KCNG2: variants seen among roughly 807,000 people sequenced by gnomAD.
KCNG2 encodes voltage-gated potassium channel regulatory subunit KCNG2.
Under a neutral mutation model 12.3 loss-of-function variants are expected in KCNG2, and 7 were observed. The ratio of observed to expected loss-of-function variants is 0.57; its 90% CI spans 0.32 to 1.07. KCNG2 has a LOEUF of 1.07. Among genes scored for constraint, KCNG2 ranks in the 50% least tolerant of loss-of-function variants. The pLI, the probability that KCNG2 is intolerant of heterozygous loss-of-function variation, is 0.04. For synonymous variants in KCNG2, 414 were observed against 351.4 expected (o/e 1.18, Z -1.99); for missense variants, 703 against 726.0 (o/e 0.97, Z 0.36).
intron 3 of KCNG2, among the ~76,000 whole-genome samples, chr18:79,890,380 TTG>T (rs1362244718): frequency 6.6e-6 from 1 of 152,194 alleles, no homozygotes; most frequent in Non-Finnish European, 1.5e-5. Flanking sequence ...CCCGGACATA[TTG>T]TGTGATGCTG....
intron 3 of KCNG2, among the ~76,000 whole-genome samples, chr18:79,881,641 G>A (rs974759361): frequency 6.6e-6 from 1 of 152,326 alleles, no homozygotes; most frequent in Non-Finnish European, 1.5e-5. Context: ...CAGTGCTCAC[G>A]CGCTGAAGAC....
At chr18:79,880,922 C>CT (rs1461593456) in intron 3 of KCNG2, among the ~76,000 whole-genome samples, 3 of 152,218 alleles carry the variant, frequency 2.0e-5, no homozygotes, top group Non-Finnish European at 4.4e-5. Flanking sequence ...TAAAACAGCA[C>CT]TTTCAGCAAT....
At chr18:79,817,474 TTGTCACACACG>T (rs2087538697) in intron 1 of KCNG2, among the ~76,000 whole-genome samples, 1 of 151,636 alleles carries the variant, frequency 6.6e-6, no homozygotes, top group South Asian at 2.1e-4. Flanking sequence ...ACACCCATGG[TTGTCACACACG>T]TGTCACACAC....
At chr18:79,888,968 C>A (rs1365777125) in intron 3 of KCNG2, among the ~76,000 whole-genome samples, 1 of 152,162 alleles carries the variant, frequency 6.6e-6, no homozygotes, top group Non-Finnish European at 1.5e-5. Flanking sequence ...CATGAGCCAC[C>A]ACGCTGGCCC....
intron 3 of KCNG2, among the ~76,000 whole-genome samples, chr18:79,868,449 G>T (rs1599411824): frequency 6.6e-6 from 1 of 152,238 alleles, no homozygotes; most frequent in African/African-American, 2.4e-5. Flanking sequence ...GGTGACCCGT[G>T]TCCGAGCGTT....
chr18:79,812,413 T>C (rs1268632500), intron 1 of KCNG2, among the ~76,000 whole-genome samples: 2 of 152,194 alleles, frequency 1.3e-5, no homozygotes, highest in African/African-American at 4.8e-5. Flanking sequence ...CCTGGTGATT[T>C]TACTGGAAAA....
chr18:79,884,110 C>T lies in KCNG2; in HGVS notation c.625-14930C>T, dbSNP rs773658692. Among the ~76,000 whole-genome samples, 5 of 152,150 alleles carry T rather than the reference C, an allele frequency of 3.3e-5. No homozygotes were observed. Among genetic ancestry groups the T allele is most frequent in the African/African-American group, 7.2e-5 (3 of 41,432 alleles). On this transcript the variant is annotated intron_variant, in intron 3 of 3. Transcript: ENST00000316249. The surrounding 1 kb of genome is among the most constrained non-coding windows in gnomAD (Gnocchi z 5.5). ...GGGCCCTCTTCTCCCACCAGCCTCC[C>T]GCCTGCAATTTCCGTGGCACAGGCC...
In KCNG2 at chr18:79,829,326, CTG is replaced by C. The variant is rs568194608; in HGVS notation, c.-114-27045_-114-27044del. On this transcript the variant is annotated intron_variant, in intron 1 of 3. Transcript: ENST00000316249. The stretch of plus-strand genomic sequence containing the variant: ...TGTGTGTGTCTGTGTGTACATGTGT[CTG>C]TGTGTGTCTTGTGTGTCTGTGTGTG... Among the ~76,000 whole-genome samples, 84 of 151,856 alleles carry C rather than the reference CTG, an allele frequency of 5.5e-4. No individual in the cohort carries two copies. In the East Asian group the frequency reaches 0.014, roughly 24 times the overall value.
intron 1 of KCNG2, among the ~76,000 whole-genome samples, chr18:79,833,241 TC>T (rs1477034550): frequency 6.6e-6 from 1 of 152,020 alleles, no homozygotes; most frequent in Non-Finnish European, 1.5e-5. Context: ...GATCAAGCAA[TC>T]CCCCCATCTC....
At chr18:79,821,221 T>C (rs959676940) in intron 1 of KCNG2, among the ~76,000 whole-genome samples, 11 of 152,026 alleles carry the variant, frequency 7.2e-5, no homozygotes, top group African/African-American at 2.7e-4. Context: ...TTTGACCACA[T>C]GTTTTATTCT....
intron 1 of KCNG2, among the ~76,000 whole-genome samples, chr18:79,798,387 C>T (rs1441251214): frequency 6.6e-6 from 1 of 152,086 alleles, no homozygotes; most frequent in East Asian, 1.9e-4. Context: ...CCTGCGGGAG[C>T]CCGGGTGAGC....
chr18:79,868,765 A>G (rs1777404458), intron 3 of KCNG2, among the ~76,000 whole-genome samples: 1 of 152,216 alleles, frequency 6.6e-6, no homozygotes, highest in Non-Finnish European at 1.5e-5. Context: ...AATCCCAGAC[A>G]GTGCAAGTCC....
At chr18:79,854,862 T>C (rs929227647) in intron 1 of KCNG2, among the ~76,000 whole-genome samples, 2 of 152,164 alleles carry the variant, frequency 1.3e-5, no homozygotes, top group African/African-American at 4.8e-5. Flanking sequence ...TTGGTGATTT[T>C]ACTTTCTCCT....
At chr18:79,878,820 C>T (rs188811909) in intron 3 of KCNG2, among the ~76,000 whole-genome samples, 54 of 152,278 alleles carry the variant, frequency 3.5e-4, no homozygotes, top group African/African-American at 9.9e-4. Flanking sequence ...GCTTTCCGCA[C>T]GAAGGAAGAT....
chr18:79,839,649 A>G (rs951377431), intron 1 of KCNG2, among the ~76,000 whole-genome samples: 3 of 152,264 alleles, frequency 2.0e-5, no homozygotes, highest in African/African-American at 7.2e-5. Context: ...TAAACCTCTG[A>G]GTAAACATCT....
At chr18:79,848,514 C>G (rs772552217) in intron 1 of KCNG2, among the ~76,000 whole-genome samples, 1 of 152,220 alleles carries the variant, frequency 6.6e-6, no homozygotes, top group East Asian at 1.9e-4. Flanking sequence ...TGGGGACATC[C>G]GTCCCTGGAC....
chr18:79,860,386 A>G (rs1357404443), intron 2 of KCNG2, among the ~76,000 whole-genome samples: 3 of 152,236 alleles, frequency 2.0e-5, no homozygotes, highest in African/African-American at 4.8e-5. Context: ...TCTTAACAAT[A>G]TTAAGTCTTC....
intron 3 of KCNG2, among the ~76,000 whole-genome samples, chr18:79,869,565 C>G (rs764691059): frequency 2.0e-5 from 3 of 152,184 alleles, no homozygotes; most frequent in Non-Finnish European, 4.4e-5. Flanking sequence ...CAAGCAGGCT[C>G]TGTCCTCTGC....
At position 79,864,237 on chromosome 18, in the gene KCNG2, G is replaced by A. The variant is rs369213817; in HGVS notation, c.570G>A (p.Thr190=). 83 of 1,551,944 alleles carry A rather than the reference G, an allele frequency of 5.3e-5. No homozygotes were observed. The African/African-American group carries it at 9.3e-4, about 17-fold the overall frequency. The change falls in exon 3 of 4, where the codon ACG becomes ACA. Residue 190 remains threonine (T), a synonymous_variant. Coordinates refer to ENST00000316249, the MANE Select transcript of KCNG2 (RefSeq NM_012283.2). ...ACVSVSFVAV[T]AVGLCLSTMP... ...TGTCCGTGTCCTTCGTGGCCGTCAC[G>A]GCCGTGGGCCTCTGCCTGAGCACCA...
Sources: allele counts gnomAD v4.1 joint callset (sites outside exome capture counted in the v4.1 genomes callset), GRCh38; gene constraint gnomAD v4.1.1; non-coding constraint Gnocchi (gnomAD v3.1); transcripts MANE v1.5; gene names NCBI Gene and HGNC (gene_info 2026-07-23, HGNC 2026-07-21).